TRPM2: variants seen among roughly 807,000 people sequenced by gnomAD.
TRPM2 encodes the protein estrogen-responsive element-associated gene 1 protein.
TRPM2 carries 161 observed loss-of-function variants against 174.0 expected under a neutral mutation model. The observed-to-expected ratio is 0.93, with a 90% confidence interval of 0.81 to 1.05. The LOEUF (loss-of-function observed/expected upper bound fraction) is 1.05. Ranked by LOEUF, TRPM2 falls within the 50% of genes least tolerant of loss-of-function variation. TRPM2 has a pLI of 0.00. For missense variants in TRPM2, 2,057 were observed against 2,038.0 expected, an observed-to-expected ratio of 1.01 and a Z score of -0.18; for synonymous variants, 954 against 861.3, an observed-to-expected ratio of 1.11 and a Z score of -1.88.
chr21:44,363,737 T>G (rs145238058), intron 2 of TRPM2, among the ~76,000 whole-genome samples: 174 of 152,318 alleles, frequency 1.1e-3, no homozygotes, highest in African/African-American at 3.9e-3. Context: ...TAGTGATGTT[T>G]GATTGAAACC....
chr21:44,353,950 C>CG (rs2047984555), intron 1 of TRPM2, 85 bp downstream of exon 1: 4 of 1,485,536 alleles, frequency 2.7e-6, no homozygotes, highest in East Asian at 2.7e-5. Flanking sequence ...GCTGTGACGA[C>CG]GGGGGTGGGA....
At chr21:44,421,505 T>C (rs2050549514) in intron 22 of TRPM2, among the ~76,000 whole-genome samples, 1 of 151,932 alleles carries the variant, frequency 6.6e-6, no homozygotes, top group Non-Finnish European at 1.5e-5. Context: ...GCACAGTGGC[T>C]CATGCTTGTA....
In TRPM2 at chr21:44,440,303, T is replaced by TC. The variant is rs1334401343; in HGVS notation, c.4270-485dup. ...GTGAGCCGAGGTTGCACCACTGCGC[T>TC]CAAAAAAAAAAAAAAAAAAAAAAAA... On this transcript the variant is annotated intron_variant, in intron 30 of 31. Coordinates refer to ENST00000397928, the MANE Select transcript of TRPM2 (RefSeq NM_003307.4). Among the ~76,000 whole-genome samples, 157 of 77,564 alleles carry TC rather than the reference T, an allele frequency of 2.0e-3. 1 individual carries two copies. Among genetic ancestry groups the TC allele is most frequent in the East Asian group, 7.3e-3 (18 of 2,468 alleles). 50.9% of individuals were successfully genotyped at this position (77,564 alleles called of 152,430 possible). A position where few individuals can be genotyped will look rare whatever the true frequency, so the allele number is the denominator to read the frequency against.
intron 5 of TRPM2, among the ~76,000 whole-genome samples, chr21:44,372,565 G>C (rs1034577389): frequency 4.6e-5 from 7 of 152,206 alleles, no homozygotes; most frequent in African/African-American, 1.4e-4. Context: ...TTAAGTCAGG[G>C]ACGCTGAAGA....
At chr21:44,424,971 C>T (rs1164111263) in intron 24 of TRPM2, 32 bp downstream of exon 24, 1 of 1,562,836 alleles carries the variant, frequency 6.4e-7, no homozygotes. Context: ...CAGCTGGTCT[C>T]CAGCCGCCTG....
At chr21:44,405,298 C>A in intron 17 of TRPM2, 38 bp downstream of exon 17, 1 of 1,608,668 alleles carries the variant, frequency 6.2e-7, no homozygotes, top group Non-Finnish European at 8.5e-7. Context: ...CCGTCTGAGG[C>A]AGCCAGCCCT....
chr21:44,440,304 CA>C (rs1555907336), intron 30 of TRPM2, among the ~76,000 whole-genome samples: 29 of 41,374 alleles, frequency 7.0e-4, no homozygotes, highest in South Asian at 7.7e-4. Context: ...CCACTGCGCT[CA>C]AAAAAAAAAA....
intron 24 of TRPM2, chr21:44,425,235 G>A (rs982598332): frequency 1.4e-5 from 6 of 429,772 alleles, no homozygotes; most frequent in Non-Finnish European, 2.1e-5. Flanking sequence ...GGTGCGAGGC[G>A]GGCGGCTGCA....
At chr21:44,373,700 C>T (rs2048612805) in intron 5 of TRPM2, among the ~76,000 whole-genome samples, 1 of 152,176 alleles carries the variant, frequency 6.6e-6, no homozygotes, top group South Asian at 2.1e-4. Flanking sequence ...CAGTTTTTCC[C>T]TCAATTTCTC....
In TRPM2 at chr21:44,379,036, G is replaced by T. The variant is rs779003366; in HGVS notation, c.1054G>T (p.Val352Phe). 4.3e-6 allele frequency: 7 copies of T among 1,609,832 alleles called. No individual in the cohort carries two copies. Among genetic ancestry groups the T allele is most frequent in the African/African-American group, 1.3e-5 (1 of 74,936 alleles). ...NATTNGTPCVVVEGSGRVADV... is the reference protein window; with the variant it reads ...NATTNGTPCVFVEGSGRVADV... Reference sequence around the variant, plus strand: ...CACCACCAACGGCACCCCCTGTGTGGTTGTGGAGGGCTCGGGCCGCGTGGC... The same window carrying T: ...CACCACCAACGGCACCCCCTGTGTGTTTGTGGAGGGCTCGGGCCGCGTGGC... The change falls in exon 8 of 32, where the codon GTT (valine) becomes TTT (phenylalanine). Residue 352 changes from valine (V) to phenylalanine (F), a missense_variant. Val to Phe is a conservative substitution (Grantham distance 50). Transcript: ENST00000397928.
chr21:44,384,087 A>G (rs2048955728), intron 9 of TRPM2, among the ~76,000 whole-genome samples: 1 of 152,222 alleles, frequency 6.6e-6, no homozygotes, highest in Admixed American at 6.5e-5. Flanking sequence ...GAAAAGATCA[A>G]CAAAATTGAC....
chr21:44,421,310 TC>T (rs1293879036), intron 22 of TRPM2, among the ~76,000 whole-genome samples: 1 of 150,122 alleles, frequency 6.7e-6, no homozygotes, highest in Non-Finnish European at 1.5e-5. Context: ...AGAGCAAGAC[TC>T]CACCTAAAAA....
At chr21:44,402,197 C>A (rs1354914362) in intron 16 of TRPM2, among the ~76,000 whole-genome samples, 1 of 152,166 alleles carries the variant, frequency 6.6e-6, no homozygotes, top group African/African-American at 2.4e-5. Context: ...TGAGTATGTC[C>A]CTTCCCCCAG....
rs1408622101 is a variant in TRPM2 at position 44,399,376 on chromosome 21, A to T, written c.2143A>T (p.Thr715Ser). ...LTRVSEAWGK[T>S]TCLQLALEAK... ...CCGCGTGTCCGAGGCCTGGGGGAAG[A>T]CCACCTGCCTGCAGCTCGCCCTGGA... Residue 715 changes from threonine to serine, a missense_variant, in exon 14 of 32, where the codon ACC becomes TCC. Thr to Ser is a moderately conservative substitution (Grantham distance 58). Transcript: ENST00000397928. The surrounding 1 kb of genome is among the most constrained non-coding windows in gnomAD (Gnocchi z 4.6). 2 of 1,612,618 alleles carry T rather than the reference A, an allele frequency of 1.2e-6. No homozygotes were observed. The highest frequency in any genetic ancestry group is 1.3e-5 in the African/African-American group (1 of 75,008).
At position 44,381,724 on chromosome 21, in the gene TRPM2, T is replaced by G. The variant is rs1018276174; in HGVS notation, c.1216-994T>G. 6.6e-5 allele frequency among the ~76,000 whole-genome samples: 10 copies of G among 152,124 alleles called. No individual in the cohort carries two copies. The South Asian group carries it at 2.1e-3, about 32-fold the overall frequency. Reference sequence around the variant, plus strand: ...GAGTTTGAGACCAGCCTGGCCAACATGGTGAAACCACATCTGTACTAAAAA... The same window carrying G: ...GAGTTTGAGACCAGCCTGGCCAACAGGGTGAAACCACATCTGTACTAAAAA... On this transcript the variant is annotated intron_variant, in intron 8 of 31. Transcript: ENST00000397928.
chr21:44,388,930 A>G (rs1330222862), intron 9 of TRPM2, among the ~76,000 whole-genome samples: 1 of 152,222 alleles, frequency 6.6e-6, no homozygotes, highest in African/African-American at 2.4e-5. Context: ...ATTTTAAAAT[A>G]TCAACTTTAT....
chr21:44,410,589 C>T (rs1601188071), intron 19 of TRPM2, among the ~76,000 whole-genome samples: 1 of 75,156 alleles, frequency 1.3e-5, no homozygotes, highest in Non-Finnish European at 3.3e-5. Context: ...GTTGGCGTAG[C>T]CTTGTAGTAA....
At chr21:44,440,260 C>A (rs1290650074) in intron 30 of TRPM2, among the ~76,000 whole-genome samples, 2 of 94,950 alleles carry the variant, frequency 2.1e-5, no homozygotes, top group African/African-American at 4.3e-5. Flanking sequence ...TTGCTTGAAC[C>A]AGGCGGCGGA....
At chr21:44,441,231 G>C (rs2051492848) in intron 31 of TRPM2, among the ~76,000 whole-genome samples, 1 of 75,964 alleles carries the variant, frequency 1.3e-5, no homozygotes, top group South Asian at 5.0e-4. Flanking sequence ...AGAGCTCACA[G>C]GGCTGGCCAG....
Sources: gnomAD v4.1 joint callset for allele counts (sites outside exome capture counted in the v4.1 genomes callset) on GRCh38, gnomAD v4.1.1 for gene constraint, Gnocchi (gnomAD v3.1) non-coding constraint, MANE v1.5 for transcripts, NCBI Gene and HGNC (gene_info 2026-07-23, HGNC 2026-07-21) for gene names.